Variants in CTNNA3 observed in about 807,000 individuals in gnomAD.
The protein encoded by CTNNA3 is catenin alpha-3.
A neutral mutation model predicts 95.7 loss-of-function variants in CTNNA3; 76 were observed. The observed-to-expected ratio is 0.79, with a 90% CI of 0.66 to 0.96. The LOEUF is 0.96. Among genes scored for constraint, CTNNA3 ranks in the 40% least tolerant of loss-of-function variants. The pLI, the probability that CTNNA3 is intolerant of heterozygous loss-of-function variation, is 0.00. For synonymous variants in CTNNA3, 431 were observed against 374.4 expected, an observed-to-expected ratio of 1.15 and a Z score of -1.74; for missense variants, 1,191 against 1,089.8, an observed-to-expected ratio of 1.09 and a Z score of -1.31.
chr10:66,621,879 G>A (rs529646329), intron 9 of CTNNA3, 95 bp from the exon 10 acceptor site: 1 of 559,824 alleles, frequency 1.8e-6, no homozygotes, highest in Non-Finnish European at 3.1e-6. Context: ...CATTCATCAA[G>A]AATCTCAATG....
At chr10:66,784,444 C>T (rs1260322945) in intron 7 of CTNNA3, among the ~76,000 whole-genome samples, 1 of 152,070 alleles carries the variant, frequency 6.6e-6, no homozygotes, top group East Asian at 1.9e-4. Context: ...ATCTCATAAA[C>T]AGGATCTAAC....
intron 13 of CTNNA3, among the ~76,000 whole-genome samples, chr10:66,200,737 C>A (rs1000946393): frequency 6.6e-6 from 1 of 152,168 alleles, no homozygotes; most frequent in Admixed American, 6.5e-5. Flanking sequence ...GTGGTTATAG[C>A]ATTTTACTGA....
At position 66,227,379 on chromosome 10, in the gene CTNNA3, T is replaced by TG. The variant is rs147454626; in HGVS notation, c.1884+53090_1884+53091insC. On this transcript the variant is annotated intron_variant, in intron 13 of 17. Coordinates refer to ENST00000433211, the MANE Select transcript of CTNNA3 (RefSeq NM_013266.4). ...ATACTTAATTTGTTAAGAGGTGTTT[T>TG]TTTTTTTTTCATGAGGTAATGTTGA... is the stretch of plus-strand genomic sequence containing the variant. Among the ~76,000 whole-genome samples the TG allele has an allele frequency of 9.6e-4, 95 of 99,392 alleles. 1 individual carries two copies. In the South Asian group the frequency reaches 0.019, roughly 20 times the overall value. The allele number at this position is 99,392 out of a possible 152,430, so 65.2% of individuals were successfully genotyped here.
chr10:67,652,912 C>T (rs1839918260), intron 1 of CTNNA3, among the ~76,000 whole-genome samples: 1 of 152,232 alleles, frequency 6.6e-6, no homozygotes, highest in African/African-American at 2.4e-5. Context: ...GCCTTCCCAA[C>T]TTTACTTTTC....
intron 2 of CTNNA3, among the ~76,000 whole-genome samples, chr10:67,639,382 A>C (rs1180891077): frequency 6.6e-6 from 1 of 152,190 alleles, no homozygotes; most frequent in Non-Finnish European, 1.5e-5. Flanking sequence ...CCAACCAAAA[A>C]AAGTCCAGGA....
At chr10:67,391,473 T>C (rs1422548872) in intron 5 of CTNNA3, among the ~76,000 whole-genome samples, 13 of 152,110 alleles carry the variant, frequency 8.5e-5, no homozygotes, top group African/African-American at 2.2e-4. Context: ...AAAATGGCCA[T>C]ACTGCCCAAG....
chr10:66,076,387 T>C (rs1261215164), intron 14 of CTNNA3, among the ~76,000 whole-genome samples: 2 of 151,736 alleles, frequency 1.3e-5, no homozygotes, highest in African/African-American at 4.8e-5. Flanking sequence ...CTAAGCATAC[T>C]AAATTGTGAT....
intron 12 of CTNNA3, among the ~76,000 whole-genome samples, chr10:66,368,555 T>C (rs1292034063): frequency 6.6e-6 from 1 of 152,172 alleles, no homozygotes; most frequent in Non-Finnish European, 1.5e-5. Context: ...TTGTGTTAGC[T>C]TTCTAAATAG....
intron 12 of CTNNA3, among the ~76,000 whole-genome samples, chr10:66,337,274 T>G (rs1354826161): frequency 2.0e-5 from 3 of 152,110 alleles, no homozygotes; most frequent in African/African-American, 7.2e-5. Flanking sequence ...CAATAATTTT[T>G]AAGAGTGTAA....
chr10:67,387,874 A>C (rs1260372890), intron 5 of CTNNA3, among the ~76,000 whole-genome samples: 1 of 152,198 alleles, frequency 6.6e-6, no homozygotes, highest in Non-Finnish European at 1.5e-5. Context: ...GAAAACTTAC[A>C]AACAGAAAGG....
chr10:65,933,199 G>A (rs1479050683), intron 17 of CTNNA3, among the ~76,000 whole-genome samples: 2 of 152,132 alleles, frequency 1.3e-5, no homozygotes, highest in Admixed American at 6.6e-5. Context: ...TCCTCTAGAA[G>A]AAAGCTTTTA....
intron 12 of CTNNA3, among the ~76,000 whole-genome samples, chr10:66,298,032 TTTAA>T (rs2091807237): frequency 6.6e-6 from 1 of 152,230 alleles, no homozygotes; most frequent in Admixed American, 6.5e-5. Context: ...AAACTGCATA[TTTAA>T]TTAACCAGTT....
chr10:67,013,046 A>C (rs1033914120), intron 7 of CTNNA3: 6 of 152,176 alleles, frequency 3.9e-5, no homozygotes, highest in African/African-American at 1.2e-4. Context: ...TTTAAGCAAT[A>C]CTGTTATACA....
intron 7 of CTNNA3, among the ~76,000 whole-genome samples, chr10:66,995,476 T>C (rs78282694): frequency 6.6e-6 from 1 of 152,172 alleles, no homozygotes; most frequent in Non-Finnish European, 1.5e-5. Flanking sequence ...CTCCAAACAT[T>C]CACCAAGTGA....
intron 3 of CTNNA3, among the ~76,000 whole-genome samples, chr10:67,585,224 T>C (rs1406101417): frequency 6.6e-6 from 1 of 152,198 alleles, no homozygotes; most frequent in Admixed American, 6.5e-5. Flanking sequence ...ATTTTTGATG[T>C]GCTGTTGGGT....
chr10:67,400,366 A>G (rs1455800089), intron 5 of CTNNA3, among the ~76,000 whole-genome samples: 1 of 152,238 alleles, frequency 6.6e-6, no homozygotes, highest in Non-Finnish European at 1.5e-5. Flanking sequence ...AATGTTACAG[A>G]TGTATTATGA....
intron 9 of CTNNA3, among the ~76,000 whole-genome samples, chr10:66,693,239 A>G (rs1847625330): frequency 6.6e-6 from 1 of 152,212 alleles, no homozygotes; most frequent in African/African-American, 2.4e-5. Context: ...AGACACACAT[A>G]GGCTCAAAAT....
chr10:66,911,270 A>G (rs1846211699), intron 7 of CTNNA3, among the ~76,000 whole-genome samples: 1 of 152,240 alleles, frequency 6.6e-6, no homozygotes, highest in Non-Finnish European at 1.5e-5. Flanking sequence ...AATGCCATGC[A>G]TTAAATTCAA....
intron 11 of CTNNA3, among the ~76,000 whole-genome samples, chr10:66,498,393 TTA>T (rs1235213277): frequency 6.6e-6 from 1 of 152,076 alleles, no homozygotes; most frequent in Non-Finnish European, 1.5e-5. Context: ...CTCAGCCAGG[TTA>T]TATTAACAGT....
Sources: gnomAD v4.1 joint callset for allele counts (sites outside exome capture counted in the v4.1 genomes callset) on GRCh38, gnomAD v4.1.1 for gene constraint, MANE v1.5 for transcripts, NCBI Gene and HGNC (gene_info 2026-07-23, HGNC 2026-07-21) for gene names.